XPR1: variants seen among roughly 807,000 people sequenced by gnomAD.
XPR1 encodes xenotropic and polytropic retrovirus receptor 1.
Under a neutral mutation model 87.5 loss-of-function variants are expected in XPR1, and 28 were observed. The observed-to-expected ratio is 0.32, with a 90% CI of 0.24 to 0.44. The LOEUF (loss-of-function observed/expected upper bound fraction) is 0.44. XPR1 is among the 20% of genes least tolerant of loss of function. The pLI is 1.00. For missense variants in XPR1, 559 were observed against 862.3 expected, an observed-to-expected ratio of 0.65 and a Z score of 4.41; for synonymous variants, 300 against 306.1, an observed-to-expected ratio of 0.98 and a Z score of 0.21.
chr1:180,767,286 AT>A (rs1381152639), intron 2 of XPR1, among the ~76,000 whole-genome samples: 1 of 152,226 alleles, frequency 6.6e-6, no homozygotes, highest in African/African-American at 2.4e-5. Context: ...AAATAAAACC[AT>A]TATAGTAGGA....
At chr1:180,727,938 T>C (rs772679319) in intron 2 of XPR1, among the ~76,000 whole-genome samples, 1 of 152,156 alleles carries the variant, frequency 6.6e-6, no homozygotes, top group Admixed American at 6.5e-5. Context: ...GTCGGCTTCT[T>C]TACTGCAACC....
chr1:180,740,482 G>A (rs541944284), intron 2 of XPR1, among the ~76,000 whole-genome samples: 22 of 150,820 alleles, frequency 1.5e-4, no homozygotes, highest in Non-Finnish European at 2.8e-4. Context: ...CAAATATTAA[G>A]CTAGTTTTGC....
intron 1 of XPR1, among the ~76,000 whole-genome samples, chr1:180,640,274 G>A (rs1654923054): frequency 6.6e-6 from 1 of 152,162 alleles, no homozygotes; most frequent in Non-Finnish European, 1.5e-5. Flanking sequence ...GGTAGTAGTG[G>A]CAATAACAGC....
intron 3 of XPR1, among the ~76,000 whole-genome samples, chr1:180,789,101 A>G (rs1357990488): frequency 6.6e-6 from 1 of 152,236 alleles, no homozygotes; most frequent in African/African-American, 2.4e-5. Flanking sequence ...GACTGAGTCC[A>G]GCATTCTCTT....
At chr1:180,714,687 G>T (rs567332968) in intron 2 of XPR1, among the ~76,000 whole-genome samples, 1 of 151,974 alleles carries the variant, frequency 6.6e-6, no homozygotes, top group African/African-American at 2.4e-5. Flanking sequence ...TTACAGGTGC[G>T]AACCACCACA....
At chr1:180,759,545 C>T (rs1322825525) in intron 2 of XPR1, among the ~76,000 whole-genome samples, 10 of 152,136 alleles carry the variant, frequency 6.6e-5, no homozygotes, top group Non-Finnish European at 1.5e-4. Context: ...GACACATACA[C>T]CCTCCCAAGA....
At chr1:180,822,995 T>C (rs1179395146) in intron 7 of XPR1, among the ~76,000 whole-genome samples, 1 of 152,182 alleles carries the variant, frequency 6.6e-6, no homozygotes, top group African/African-American at 2.4e-5. Context: ...ATCCCAGCAC[T>C]TTGGGAGGCC....
At chr1:180,806,428 C>T in intron 5 of XPR1, 46 bp from the exon 6 acceptor site, 1 of 1,591,462 alleles carries the variant, frequency 6.3e-7, no homozygotes, top group Non-Finnish European at 8.6e-7. Context: ...GTGCATCACT[C>T]AAGTTTAGTA....
chr1:180,637,892 C>T (rs1416336819), intron 1 of XPR1, among the ~76,000 whole-genome samples: 1 of 152,174 alleles, frequency 6.6e-6, no homozygotes, highest in Non-Finnish European at 1.5e-5. Flanking sequence ...CATCTACTGT[C>T]AGTCACAATG....
At chr1:180,697,088 G>A (rs1012927981) in intron 2 of XPR1, among the ~76,000 whole-genome samples, 2 of 152,092 alleles carry the variant, frequency 1.3e-5, no homozygotes, top group African/African-American at 4.8e-5. Flanking sequence ...GTAGGATTCA[G>A]CAGTAAAGCC....
chr1:180,770,618 T>C (rs1229714738), intron 2 of XPR1, among the ~76,000 whole-genome samples: 1 of 152,240 alleles, frequency 6.6e-6, no homozygotes, highest in Non-Finnish European at 1.5e-5. Flanking sequence ...TTTTGTGCTA[T>C]GAAGGTTGCT....
At chr1:180,764,069 A>G (rs569063162) in intron 2 of XPR1, among the ~76,000 whole-genome samples, 1 of 152,280 alleles carries the variant, frequency 6.6e-6, no homozygotes, top group East Asian at 1.9e-4. Context: ...GAATATGTGT[A>G]AGAGAGTGAT....
At chr1:180,714,691 C>T (rs932924141) in intron 2 of XPR1, among the ~76,000 whole-genome samples, 2 of 152,116 alleles carry the variant, frequency 1.3e-5, no homozygotes, top group Non-Finnish European at 2.9e-5. Flanking sequence ...AGGTGCGAAC[C>T]ACCACACCTG....
chr1:180,730,829 AT>A (rs35510210), intron 2 of XPR1, among the ~76,000 whole-genome samples: 12 of 149,662 alleles, frequency 8.0e-5, no homozygotes, highest in Middle Eastern at 3.4e-3. Context: ...TGCCCAGCTA[AT>A]TTTTTTTTTT....
At chr1:180,632,629 T>A (rs1468102886) in intron 1 of XPR1, among the ~76,000 whole-genome samples, 1 of 152,188 alleles carries the variant, frequency 6.6e-6, no homozygotes, top group Non-Finnish European at 1.5e-5. Flanking sequence ...CTAATCCCCT[T>A]CTCCCCACTC....
At chr1:180,658,376 GGAAAGGC>G (rs1035866997) in intron 1 of XPR1, among the ~76,000 whole-genome samples, 3 of 152,264 alleles carry the variant, frequency 2.0e-5, no homozygotes, top group East Asian at 1.9e-4. Flanking sequence ...AGATCTTAGA[GGAAAGGC>G]TTTCAGTTTT....
At chr1:180,868,637 A>G (rs1652463201) in intron 12 of XPR1, among the ~76,000 whole-genome samples, 1 of 132,760 alleles carries the variant, frequency 7.5e-6, no homozygotes. Context: ...GTGTGTAAGA[A>G]TGCTTGTGAT....
At chr1:180,736,576 A>G (rs1342432731) in intron 2 of XPR1, among the ~76,000 whole-genome samples, 1 of 152,222 alleles carries the variant, frequency 6.6e-6, no homozygotes, top group Non-Finnish European at 1.5e-5. Context: ...TAATGTCACA[A>G]AAGAAGATAG....
At chr1:180,658,185 C>T (rs550831654) in intron 1 of XPR1, among the ~76,000 whole-genome samples, 32 of 152,206 alleles carry the variant, frequency 2.1e-4, no homozygotes, top group South Asian at 4.1e-4. Context: ...ATAGTCTTTT[C>T]GGTGGAATGT....
Sources: allele counts gnomAD v4.1 joint callset (sites outside exome capture counted in the v4.1 genomes callset), GRCh38; gene constraint gnomAD v4.1.1; transcripts MANE v1.5; gene names NCBI Gene and HGNC (gene_info 2026-07-23, HGNC 2026-07-21).